ZBED1: variants seen among roughly 807,000 people sequenced by gnomAD.
The protein encoded by ZBED1 is zinc finger BED-type containing 1.
Under a neutral mutation model 49.7 loss-of-function variants are expected in ZBED1, and 19 were observed. The ratio of observed to expected loss-of-function variants is 0.38; its 90% CI spans 0.27 to 0.56. The LOEUF is 0.56. Among genes scored for constraint, ZBED1 ranks in the 20% least tolerant of loss-of-function variants. The probability of loss-of-function intolerance (pLI) is 0.70; values close to 1 mark genes in which losing one functional copy is unlikely to be tolerated. For missense variants in ZBED1, 806 were observed against 972.6 expected, an observed-to-expected ratio of 0.83 and a Z score of 2.28; for synonymous variants, 439 against 440.3, an observed-to-expected ratio of 1.00 and a Z score of 0.04.
At chrX:2,491,507 C>T (rs1461176346) in intron 1 of ZBED1, among the ~76,000 whole-genome samples, 1 of 151,574 alleles carries the variant, frequency 6.6e-6, no homozygotes, top group African/African-American at 2.4e-5. Context: ...GCCAGGCAGA[C>T]CCCCCACTGC....
chrX:2,490,602 G>T lies in ZBED1; in HGVS notation c.118C>A (p.Leu40Met), dbSNP rs762336805. 1 of 1,613,890 alleles carries T rather than the reference G, an allele frequency of 6.2e-7. No individual in the cohort carries two copies. The highest frequency in any genetic ancestry group is 8.5e-7 in the Non-Finnish European group (1 of 1,179,884). ...GFDTNAEGCI[L>M]QWKKIYCRIC... ...CGGCAGTAGATTTTCTTCCACTGCAGGATGCATCCCTCGGCGTTGGTGTCG... is the reference window on the plus strand; with the variant it reads ...CGGCAGTAGATTTTCTTCCACTGCATGATGCATCCCTCGGCGTTGGTGTCG... The change falls in exon 2 of 2, where the codon CTG (leucine) becomes ATG (methionine). Residue 40 changes from leucine to methionine, a missense_variant. Leu to Met is a conservative substitution (Grantham distance 15). Coordinates refer to ENST00000652001, the MANE Select transcript of ZBED1 (RefSeq NM_001171136.2).
intron 1 of ZBED1, among the ~76,000 whole-genome samples, chrX:2,500,037 T>A (rs1291034728): frequency 6.6e-6 from 1 of 152,044 alleles, no homozygotes; most frequent in Non-Finnish European, 1.5e-5. Flanking sequence ...AAAATAATAA[T>A]AATAATAAAT....
At chrX:2,495,540 C>A (rs1425192224) in intron 1 of ZBED1, among the ~76,000 whole-genome samples, 2 of 152,158 alleles carry the variant, frequency 1.3e-5, no homozygotes, top group African/African-American at 4.8e-5. Context: ...ACGTCTCCTG[C>A]TGTCAGAATT....
chrX:2,500,449 C>G (rs1305150182), intron 1 of ZBED1: 1 of 162,292 alleles, frequency 6.2e-6, no homozygotes, highest in South Asian at 1.2e-4. Context: ...TGCGAGCCCC[C>G]GGGTCCCCGG....
intron 1 of ZBED1, among the ~76,000 whole-genome samples, chrX:2,497,750 A>T (rs2045318197): frequency 6.6e-6 from 1 of 152,220 alleles, no homozygotes; most frequent in Admixed American, 6.5e-5. Context: ...TGCAAAACTC[A>T]TTGATGTATC....
At chrX:2,500,711 G>A in intron 1 of ZBED1, 106 bp downstream of exon 1, 1 of 196,582 alleles carries the variant, frequency 5.1e-6, no homozygotes, top group Non-Finnish European at 8.1e-6. Flanking sequence ...TTCCGGGAGC[G>A]CCACCGCCTC....
chrX:2,496,247 T>G lies in ZBED1; in HGVS notation c.-54+4570A>C, dbSNP rs545553026. ...GGAGTCTCGCCCTGTTGCCCAGGCT[T>G]GAGTGCAGTGGCGCAATCTTGGCTG... On this transcript the variant is annotated intron_variant, in intron 1 of 1. Transcript: ENST00000652001. Among the ~76,000 whole-genome samples, 6 of 152,284 alleles carry G rather than the reference T, an allele frequency of 3.9e-5. No homozygotes were observed. The South Asian group carries it at 6.2e-4, about 16-fold the overall frequency.
In ZBED1 at chrX:2,489,878, A is replaced by G; in HGVS notation, c.842T>C (p.Leu281Pro). The change falls in exon 2 of 2, where the codon CTG (leucine) becomes CCG (proline). Residue 281 changes from leucine (L) to proline (P), a missense_variant. Leu to Pro is a moderately conservative substitution (Grantham distance 98). Around this residue, in one of 2 missense-constraint regions of ZBED1, gnomAD observed 749 missense variants for 861.3 expected, o/e 0.87. Coordinates refer to ENST00000652001, the MANE Select transcript of ZBED1 (RefSeq NM_001171136.2). Reference sequence around the variant, plus strand: ...GGGCATGTGCACTGCGACGTCCAGCAGGGAGCACGCCTTCACGATGTCCTT... The same window carrying G: ...GGGCATGTGCACTGCGACGTCCAGCGGGGAGCACGCCTTCACGATGTCCTT... ...YGKDIVKACS[L>P]LDVAVHMPCL... is the part of the protein sequence containing the mutation. 1 of 1,613,856 alleles carries G rather than the reference A, an allele frequency of 6.2e-7. No individual in the cohort carries two copies. Among genetic ancestry groups the G allele is most frequent in the South Asian group, 1.1e-5 (1 of 91,078 alleles).
rs1569506610 is a variant in ZBED1 at position 2,487,828 on chromosome X, A to T, written c.*807T>A. 6.6e-6 allele frequency: 1 copy of T among 152,018 alleles called. No individual in the cohort carries two copies. The highest frequency in any genetic ancestry group is 1.5e-5 in the Non-Finnish European group (1 of 67,994). 9.4% of individuals were successfully genotyped at this position (152,018 alleles called of 1,614,324 possible). On this transcript the variant is annotated 3_prime_UTR_variant, in exon 2 of 2. Transcript: ENST00000652001. Reference sequence around the variant, plus strand: ...AAAAAAAAGGTCTCTCTTTTTAAGAAGGGCATTTTGGCTAAAAGGTCTCTT... The same window carrying T: ...AAAAAAAAGGTCTCTCTTTTTAAGATGGGCATTTTGGCTAAAAGGTCTCTT...
intron 1 of ZBED1, among the ~76,000 whole-genome samples, chrX:2,493,272 CTAAG>C (rs1265592507): frequency 7.2e-5 from 11 of 152,146 alleles, no homozygotes; most frequent in African/African-American, 2.7e-4. Context: ...AAGAGGCCTC[CTAAG>C]TCCGACCTGA....
At chrX:2,499,916 G>A (rs1343830533) in intron 1 of ZBED1, among the ~76,000 whole-genome samples, 2 of 152,000 alleles carry the variant, frequency 1.3e-5, no homozygotes, top group Non-Finnish European at 2.9e-5. Context: ...AGTAGCTGGT[G>A]CCTGTAATGC....
intron 1 of ZBED1, among the ~76,000 whole-genome samples, chrX:2,499,727 C>T (rs1439213747): frequency 6.6e-6 from 1 of 152,116 alleles, no homozygotes; most frequent in Non-Finnish European, 1.5e-5. Flanking sequence ...GGCAACGTAG[C>T]AAGACCCTAT....
rs767151014 is a variant in ZBED1 at position 2,488,717 on chromosome X, C to T, written c.2003G>A (p.Gly668Asp). The T allele has an allele frequency of 6.2e-7, 1 of 1,613,922 alleles. No homozygotes were observed. The highest frequency in any genetic ancestry group is 2.2e-5 in the East Asian group (1 of 44,870). ...EPEDQDEGEW[G>D]LDQEQVFSLG... ...GGAGAACACCTGCTCCTGGTCCAGG[C>T]CCCACTCCCCCTCGTCCTGGTCCTC... is the stretch of plus-strand genomic sequence containing the variant. Residue 668 changes from glycine to aspartate, a missense_variant, in exon 2 of 2, where the codon GGC becomes GAC. Physicochemically the swap from Gly to Asp is moderately conservative, Grantham distance 94. Transcript: ENST00000652001.
chrX:2,489,333 G>A lies in ZBED1; in HGVS notation c.1387C>T (p.Pro463Ser). 3.1e-6 allele frequency: 5 copies of A among 1,613,340 alleles called. No individual in the cohort carries two copies. Among genetic ancestry groups the A allele is most frequent in the Non-Finnish European group, 4.2e-6 (5 of 1,179,660 alleles). ...ACGTTGAGAAACATGTCGATCTCGG[G>A]CGTCTCCTGGTAGGTCTTGGAAAGC... Reference protein sequence around the residue: ...KELSKTYQETPEIDMFLNVAT... With the variant: ...KELSKTYQETSEIDMFLNVAT... Residue 463 changes from proline to serine, a missense_variant, in exon 2 of 2, where the codon CCC (proline) becomes TCC (serine). Pro to Ser is a moderately conservative substitution (Grantham distance 74). Transcript: ENST00000652001.
rs1235042699 is a variant in ZBED1, at chrX:2,486,465, C to G, written c.*2170G>C. Reference sequence around the variant, plus strand: ...TGCTCTGGTTTATTGAACAACAGTCCAACTTTACAGCATTAAATAAGGGGC... The same window carrying G: ...TGCTCTGGTTTATTGAACAACAGTCGAACTTTACAGCATTAAATAAGGGGC... On this transcript the variant is annotated 3_prime_UTR_variant, in exon 2 of 2. Coordinates refer to ENST00000652001, the MANE Select transcript of ZBED1 (RefSeq NM_001171136.2). 2.0e-5 allele frequency: 3 copies of G among 152,108 alleles called. No individual in the cohort carries two copies. The highest frequency in any genetic ancestry group is 4.4e-5 in the Non-Finnish European group (3 of 68,034). 9.4% of individuals were successfully genotyped at this position (152,108 alleles called of 1,614,324 possible).
At position 2,489,607 on chromosome X, in the gene ZBED1, G is replaced by A. The variant is rs771509152; in HGVS notation, c.1113C>T (p.Ile371=). ...TGCTGTCCTCCACCAAGACCCCGGCGATGACGAACTGCTGCTCCTTGAGGC... is the reference window on the plus strand; with the variant it reads ...TGCTGTCCTCCACCAAGACCCCGGCAATGACGAACTGCTGCTCCTTGAGGC... The part of the protein sequence containing the change: ...LQRLKEQQFV[I]AGVLVEDSNN... Residue 371 remains isoleucine (I), a synonymous_variant, in exon 2 of 2, where the codon ATC becomes ATT. Coordinates refer to ENST00000652001, the MANE Select transcript of ZBED1 (RefSeq NM_001171136.2). 2.6e-5 allele frequency: 42 copies of A among 1,612,518 alleles called. No homozygotes were observed. Among genetic ancestry groups the A allele is most frequent in the Middle Eastern group, 1.9e-4 (1 of 5,146 alleles).
chrX:2,500,972 T>C lies in ZBED1; in HGVS notation c.-209A>G. On this transcript the variant is annotated 5_prime_UTR_variant, in exon 1 of 2. Coordinates refer to ENST00000652001, the MANE Select transcript of ZBED1 (RefSeq NM_001171136.2). ...GCCGCTTCCGCGCCGCCCGCGGGAC[T>C]CTGCGCCCGCCCGCCCGGACGGACG... is the stretch of plus-strand genomic sequence containing the variant. 1 of 961,358 alleles carries C rather than the reference T, an allele frequency of 1.0e-6. No individual in the cohort carries two copies. Among genetic ancestry groups the C allele is most frequent in the Non-Finnish European group, 1.2e-6 (1 of 802,890 alleles). The allele number at this position is 961,358 out of a possible 1,614,324, so 59.6% of individuals were successfully genotyped here.
At position 2,488,742 on chromosome X, in the gene ZBED1, C is replaced by T. The variant is rs748400336; in HGVS notation, c.1978G>A (p.Glu660Lys). 11 of 1,613,828 alleles carry T rather than the reference C, an allele frequency of 6.8e-6. No individual in the cohort carries two copies. In the South Asian group the frequency reaches 7.7e-5, roughly 11 times the overall value. Residue 660 changes from glutamate (E) to lysine (K), a missense_variant, in exon 2 of 2, where the codon GAG (glutamate) becomes AAG (lysine). Glu to Lys is a moderately conservative substitution (Grantham distance 56). Transcript: ENST00000652001. The stretch of plus-strand genomic sequence containing the variant: ...CCCCACTCCCCCTCGTCCTGGTCCT[C>T]GGGTTCCGCCTCTGCCCCACTCCGG... ...NARSGAEAEPEDQDEGEWGLD... is the reference protein window; with the variant it reads ...NARSGAEAEPKDQDEGEWGLD...
chrX:2,494,331 CAT>C (rs2045230213), intron 1 of ZBED1, among the ~76,000 whole-genome samples: 1 of 151,372 alleles, frequency 6.6e-6, no homozygotes, highest in South Asian at 2.1e-4. Flanking sequence ...TTCATTCTAT[CAT>C]TATTATTATT....
Sources: gnomAD v4.1 joint callset for allele counts (sites outside exome capture counted in the v4.1 genomes callset) on GRCh38, gnomAD v4.1.1 for gene constraint, gnomAD v4.1.1 regional missense constraint, MANE v1.5 for transcripts, NCBI Gene and HGNC (gene_info 2026-07-23, HGNC 2026-07-21) for gene names.